UNC5D: variants seen among roughly 807,000 people sequenced by gnomAD.
UNC5D encodes the protein netrin receptor UNC5D.
A neutral mutation model predicts 105.4 loss-of-function variants in UNC5D; 39 were observed. The observed-to-expected ratio is 0.37, with a 90% CI of 0.29 to 0.48. UNC5D has a LOEUF of 0.48. Ranked by LOEUF, UNC5D falls within the 20% of genes least tolerant of loss-of-function variation. The pLI, the probability that UNC5D is intolerant of heterozygous loss-of-function variation, is 0.98. For synonymous variants in UNC5D, 452 were observed against 450.4 expected, an observed-to-expected ratio of 1.00 and a Z score of -0.04; for missense variants, 991 against 1,202.4, an observed-to-expected ratio of 0.82 and a Z score of 2.60.
intron 1 of UNC5D, among the ~76,000 whole-genome samples, chr8:35,249,027 T>G (rs1585410989): frequency 3.1e-5 from 1 of 32,648 alleles, no homozygotes; most frequent in Non-Finnish European, 7.4e-5. Context: ...TTATATATGT[T>G]TATATAATAT....
At chr8:35,713,875 G>A (rs373090651) in intron 8 of UNC5D, among the ~76,000 whole-genome samples, 2 of 152,198 alleles carry the variant, frequency 1.3e-5, no homozygotes, top group East Asian at 3.9e-4. Context: ...TCACCTAGAT[G>A]AGAAGTGGGT....
intron 11 of UNC5D, among the ~76,000 whole-genome samples, chr8:35,734,352 A>AG (rs1279480722): frequency 6.7e-6 from 1 of 149,908 alleles, no homozygotes; most frequent in East Asian, 1.9e-4. Flanking sequence ...AAAAAAAAAA[A>AG]AAAAAAAAAA....
chr8:35,574,589 G>A (rs1817966244), intron 3 of UNC5D, among the ~76,000 whole-genome samples: 1 of 152,170 alleles, frequency 6.6e-6, no homozygotes, highest in Non-Finnish European at 1.5e-5. Flanking sequence ...TGATGGAAGA[G>A]AGACATCAAA....
chr8:35,627,247 A>C (rs750272073), intron 4 of UNC5D, among the ~76,000 whole-genome samples: 1 of 152,146 alleles, frequency 6.6e-6, no homozygotes, highest in Non-Finnish European at 1.5e-5. Flanking sequence ...CTAGAGTAAA[A>C]TCCAATGACC....
At chr8:35,774,264 T>C (rs1015168460) in intron 15 of UNC5D, 35 bp from the exon 16 acceptor site, 5 of 1,611,770 alleles carry the variant, frequency 3.1e-6, no homozygotes, top group Non-Finnish European at 4.2e-6. Flanking sequence ...TGCTTTCAGA[T>C]AGATCTGATC....
At chr8:35,766,783 T>C (rs1801786919) in intron 14 of UNC5D, 119 bp from the exon 15 acceptor site, 7 of 1,208,062 alleles carry the variant, frequency 5.8e-6, no homozygotes, top group African/African-American at 1.6e-5. Flanking sequence ...CTGCTGTGAT[T>C]GTCCTCATCG....
intron 1 of UNC5D, among the ~76,000 whole-genome samples, chr8:35,487,593 A>ACACACACACACACACACAC (rs1415748793): frequency 6.6e-6 from 1 of 150,472 alleles, no homozygotes; most frequent in African/African-American, 2.5e-5. Context: ...ACACACACAC[A>ACACACACACACACACACAC]CCCCACAGAC....
At position 35,250,686 on chromosome 8, in the gene UNC5D, G is replaced by A. The variant is rs569224093; in HGVS notation, c.103+14799G>A. On this transcript the variant is annotated intron_variant, in intron 1 of 16. Transcript: ENST00000404895. ...ATTTTTTTCTATTTTTAGTAGAGAC[G>A]GGGTTTCACCATGTTGACCAGACTG... is the stretch of plus-strand genomic sequence containing the variant. 5.9e-5 allele frequency among the ~76,000 whole-genome samples: 9 copies of A among 152,078 alleles called. No homozygotes were observed. The South Asian group carries it at 1.7e-3, about 28-fold the overall frequency.
intron 11 of UNC5D, among the ~76,000 whole-genome samples, chr8:35,734,174 G>A (rs1829336297): frequency 6.6e-6 from 1 of 151,850 alleles, no homozygotes; most frequent in Admixed American, 6.6e-5. Flanking sequence ...AAAGGCCATG[G>A]CATGAAATTG....
chr8:35,712,488 T>C (rs1332339141), intron 8 of UNC5D, among the ~76,000 whole-genome samples: 3 of 152,160 alleles, frequency 2.0e-5, no homozygotes, highest in Non-Finnish European at 2.9e-5. Flanking sequence ...TGCCAGACAC[T>C]AGGTTAAAGC....
At chr8:35,493,094 T>A (rs2130129963) in intron 1 of UNC5D, among the ~76,000 whole-genome samples, 1 of 151,886 alleles carries the variant, frequency 6.6e-6, no homozygotes, top group Admixed American at 6.6e-5. Flanking sequence ...GAGAAAATGG[T>A]TAAAAAGTCT....
At chr8:35,294,667 C>T (rs370863710) in intron 1 of UNC5D, among the ~76,000 whole-genome samples, 10 of 149,988 alleles carry the variant, frequency 6.7e-5, no homozygotes, top group African/African-American at 2.2e-4. Flanking sequence ...GGTGTAGCTG[C>T]GGAGATGACC....
At chr8:35,703,390 C>A (rs147760242) in intron 7 of UNC5D, among the ~76,000 whole-genome samples, 1 of 152,120 alleles carries the variant, frequency 6.6e-6, no homozygotes, top group East Asian at 1.9e-4. Flanking sequence ...TGAGGACACA[C>A]GGAATGTAGA....
At chr8:35,474,378 A>G (rs1215967487) in intron 1 of UNC5D, among the ~76,000 whole-genome samples, 3 of 152,228 alleles carry the variant, frequency 2.0e-5, no homozygotes, top group Non-Finnish European at 4.4e-5. Flanking sequence ...ACCTCAGCAG[A>G]ACATCAGAAG....
At chr8:35,274,550 G>A (rs1805643170) in intron 1 of UNC5D, among the ~76,000 whole-genome samples, 1 of 152,174 alleles carries the variant, frequency 6.6e-6, no homozygotes, top group Non-Finnish European at 1.5e-5. Flanking sequence ...TTGATGACAA[G>A]CGTTTATATC....
intron 16 of UNC5D, among the ~76,000 whole-genome samples, chr8:35,789,171 A>ATATG (rs1563765089): frequency 1.1e-5 from 1 of 92,144 alleles, no homozygotes; most frequent in East Asian, 2.8e-4. Context: ...ATATATATAT[A>ATATG]TATATATATA....
intron 4 of UNC5D, among the ~76,000 whole-genome samples, chr8:35,681,920 A>C (rs1330606709): frequency 2.0e-5 from 3 of 152,172 alleles, no homozygotes; most frequent in Non-Finnish European, 4.4e-5. Context: ...TTTCAAAAAG[A>C]CAAACAAATC....
At chr8:35,359,084 G>A (rs759735614) in intron 1 of UNC5D, among the ~76,000 whole-genome samples, 7 of 152,156 alleles carry the variant, frequency 4.6e-5, no homozygotes, top group Non-Finnish European at 1.0e-4. Flanking sequence ...CCAGTAGTTC[G>A]ACGCTGCAAT....
At chr8:35,313,752 C>A (rs1222404148) in intron 1 of UNC5D, among the ~76,000 whole-genome samples, 1 of 152,154 alleles carries the variant, frequency 6.6e-6, no homozygotes. Flanking sequence ...TAATACCGTA[C>A]CGCAGCTTCA....
Sources: allele counts gnomAD v4.1 joint callset (sites outside exome capture counted in the v4.1 genomes callset), GRCh38; gene constraint gnomAD v4.1.1; transcripts MANE v1.5; gene names NCBI Gene and HGNC (gene_info 2026-07-23, HGNC 2026-07-21).